The following UMODL1 variants were observed in gnomAD, a reference collection of about 807,000 sequenced individuals.
The protein encoded by UMODL1 is uromodulin like 1, also known as uromodulin-like 1.
Under a neutral mutation model 136.3 loss-of-function variants are expected in UMODL1, and 128 were observed. That is an observed-to-expected ratio of 0.94 (90% CI 0.81 to 1.09). The LOEUF is 1.09. UMODL1 is among the 50% of genes least tolerant of loss of function. The probability of loss-of-function intolerance (pLI) is 0.00; values close to 1 mark genes in which losing one functional copy is unlikely to be tolerated. For synonymous variants in UMODL1, 721 were observed against 720.0 expected, an observed-to-expected ratio of 1.00 and a Z score of -0.02; for missense variants, 1,766 against 1,725.6, an observed-to-expected ratio of 1.02 and a Z score of -0.41.
chr21:42,134,126 G>A (rs12626199), intron 21 of UMODL1, among the ~76,000 whole-genome samples: 8,153 of 152,198 alleles, frequency 0.054, 349 homozygotes, highest in East Asian at 0.23. Flanking sequence ...TCACCATGTT[G>A]GCCAGGATGG....
At chr21:42,140,613 G>T (rs1479238497) in intron 22 of UMODL1, among the ~76,000 whole-genome samples, 1 of 151,958 alleles carries the variant, frequency 6.6e-6, no homozygotes, top group Non-Finnish European at 1.5e-5. Context: ...GAGACCCGGA[G>T]AATTTGTATT....
At chr21:42,130,957 G>A (rs941423612) in intron 21 of UMODL1, among the ~76,000 whole-genome samples, 1 of 152,042 alleles carries the variant, frequency 6.6e-6, no homozygotes, top group African/African-American at 2.4e-5. Context: ...GGGACTATGG[G>A]CACCCACCGC....
At position 42,123,366 on chromosome 21, in the gene UMODL1, G is replaced by A. The variant is rs2067006247; in HGVS notation, c.3147+216G>A. ...TCCACCCAGGAGGGACTCTGGTGCA[G>A]AGTGCTGGGGCAGGCTTCAGAGTCA... On this transcript the variant is annotated intron_variant, in intron 17 of 22. Transcript: ENST00000408910. This position sits in a 1 kb window ranked among gnomAD's most constrained non-coding sequence, Gnocchi z 4.4. Among the ~76,000 whole-genome samples, 1 of 152,224 alleles carries A rather than the reference G, an allele frequency of 6.6e-6. No individual in the cohort carries two copies. The highest frequency in any genetic ancestry group is 1.5e-5 in the Non-Finnish European group (1 of 68,046).
chr21:42,127,977 G>C, intron 20 of UMODL1, 146 bp downstream of exon 20: 1 of 1,051,148 alleles, frequency 9.5e-7, no homozygotes, highest in Non-Finnish European at 1.4e-6. Flanking sequence ...TGCAGACTCC[G>C]CGTCTGAAAT....
At position 42,111,080 on chromosome 21, in the gene UMODL1, G is replaced by A. The variant is rs769193506; in HGVS notation, c.1858G>A (p.Gly620Arg). 32 of 1,612,974 alleles carry A rather than the reference G, an allele frequency of 2.0e-5. No individual in the cohort carries two copies. The highest frequency in any genetic ancestry group is 1.4e-4 in the South Asian group (13 of 90,932). Reference protein sequence around the residue: ...SPRRGGSNVVGYDRNNTGKGV... With the variant: ...SPRRGGSNVVRYDRNNTGKGV... ...CAGAAGAGGGGGCAGCAATGTGGTC[G>A]GGTATGACAGGAACAACACAGGAAA... The change falls in exon 11 of 23, where the codon GGG becomes AGG. Residue 620 changes from glycine to arginine, a missense_variant. Physicochemically the swap from Gly to Arg is moderately radical, Grantham distance 125. Coordinates refer to ENST00000408910, the MANE Select transcript of UMODL1 (RefSeq NM_001004416.3).
At chr21:42,106,816 T>A (rs532706105) in intron 9 of UMODL1, among the ~76,000 whole-genome samples, 2 of 152,344 alleles carry the variant, frequency 1.3e-5, no homozygotes, top group African/African-American at 2.4e-5. Context: ...CACAAATGAC[T>A]TCCTCTCCCT....
intron 2 of UMODL1, among the ~76,000 whole-genome samples, chr21:42,077,750 A>T (rs996072243): frequency 2.0e-5 from 3 of 152,208 alleles, no homozygotes; most frequent in African/African-American, 7.2e-5. Context: ...TGGCTCTCTT[A>T]GCTAAGGGAG....
chr21:42,121,008 A>G (rs922613085), intron 15 of UMODL1, 79 bp from the exon 16 acceptor site: 2 of 1,523,004 alleles, frequency 1.3e-6, no homozygotes, highest in African/African-American at 2.8e-5. Flanking sequence ...TGTGAGATGC[A>G]CTCTCCCCCA....
At chr21:42,069,508 T>C (rs1051259888), upstream of UMODL1, among the ~76,000 whole-genome samples, 7 of 152,290 alleles carry the variant, frequency 4.6e-5, no homozygotes, top group South Asian at 1.4e-3. Flanking sequence ...AGACCAGCAG[T>C]GGAGTGGAGT....
intron 21 of UMODL1, among the ~76,000 whole-genome samples, chr21:42,132,753 G>C (rs1446483854): frequency 6.6e-6 from 1 of 152,248 alleles, no homozygotes. Flanking sequence ...GTGAGGCTAA[G>C]ATTTGTGAGG....
chr21:42,069,348 T>G (rs1231203384), upstream of UMODL1, among the ~76,000 whole-genome samples: 1 of 151,702 alleles, frequency 6.6e-6, no homozygotes, highest in Admixed American at 6.6e-5. Context: ...ACTGTTAATT[T>G]TGGGATTTTT....
Position 42,123,240 on chromosome 21 carries a change from A to G in UMODL1, c.3147+90A>G. 2.1e-6 allele frequency: 3 copies of G among 1,429,690 alleles called. No homozygotes were observed. The East Asian group carries it at 7.1e-5, about 34-fold the overall frequency. 88.6% of individuals were successfully genotyped at this position (1,429,690 alleles called of 1,614,324 possible). A position where few individuals can be genotyped will look rare whatever the true frequency, so the allele number is the denominator to read the frequency against. ...CCTCGATGTGGGAGGGCCAGGCAAG[A>G]CTCTGCACCCCGAGGGGAACCCAGC... On this transcript the variant is annotated intron_variant, in intron 17 of 22. Transcript: ENST00000408910. This position sits in a 1 kb window ranked among gnomAD's most constrained non-coding sequence, Gnocchi z 4.4.
At chr21:42,083,828 G>C (rs1473499059) in intron 2 of UMODL1, among the ~76,000 whole-genome samples, 2 of 152,206 alleles carry the variant, frequency 1.3e-5, no homozygotes, top group Non-Finnish European at 2.9e-5. Flanking sequence ...GGACTTCTGA[G>C]GCCTAGAGGA....
intron 6 of UMODL1, among the ~76,000 whole-genome samples, chr21:42,098,468 G>GAA (rs35653079): frequency 0.38 from 56,800 of 150,156 alleles, 10,613 homozygotes; most frequent in Middle Eastern, 0.47. Context: ...TTTATTATTG[G>GAA]AAAAAAAAAC....
rs574568068 is a variant in UMODL1 at position 42,126,185 on chromosome 21, G to T, written c.3148-160G>T. Among the ~76,000 whole-genome samples the T allele has an allele frequency of 9.5e-4, 144 of 152,196 alleles. 2 individuals are homozygous for T. Among genetic ancestry groups the T allele is most frequent in the Non-Finnish European group, 9.3e-4 (63 of 68,032 alleles). On this transcript the variant is annotated intron_variant, in intron 17 of 22. Transcript: ENST00000408910. ...CAGAGGCCGAGCCCTTAGGCTCTTA[G>T]GCAGTTTATGGTTGGGAGAATCGCC...
chr21:42,115,243 G>T lies in UMODL1; in HGVS notation c.2363-630G>T, dbSNP rs182339116. ...TGCCATGCCAGGGCCAGGATGGGAT[G>T]GCGACATTCCTGGACCACATTTATG... On this transcript the variant is annotated intron_variant, in intron 13 of 22. Coordinates refer to ENST00000408910, the MANE Select transcript of UMODL1 (RefSeq NM_001004416.3). 3.3e-5 allele frequency among the ~76,000 whole-genome samples: 5 copies of T among 152,330 alleles called. No homozygotes were observed. The East Asian group carries it at 9.6e-4, about 29-fold the overall frequency.
intron 6 of UMODL1, among the ~76,000 whole-genome samples, chr21:42,091,080 A>T (rs1363165228): frequency 3.9e-5 from 6 of 152,206 alleles, no homozygotes; most frequent in Non-Finnish European, 7.3e-5. Context: ...GAATACACTT[A>T]GTTCTTTCAG....
chr21:42,112,153 CTGT>C (rs1193994524), intron 12 of UMODL1, among the ~76,000 whole-genome samples: 1 of 151,720 alleles, frequency 6.6e-6, no homozygotes, highest in Non-Finnish European at 1.5e-5. Flanking sequence ...ACTCCCATAG[CTGT>C]TCTGCACCCC....
intron 8 of UMODL1, chr21:42,103,580 C>T (rs1601221558): frequency 1.8e-6 from 1 of 544,524 alleles, no homozygotes; most frequent in African/African-American, 1.9e-5. Flanking sequence ...TTTCAGGACA[C>T]TCAGAGGGGA....
Sources: allele counts gnomAD v4.1 joint callset (sites outside exome capture counted in the v4.1 genomes callset), GRCh38; gene constraint gnomAD v4.1.1; non-coding constraint Gnocchi (gnomAD v3.1); transcripts MANE v1.5; gene names NCBI Gene and HGNC (gene_info 2026-07-23, HGNC 2026-07-21).